Variants in CBLN2 observed in about 807,000 individuals in gnomAD.
CBLN2 encodes cerebellin 2 precursor, also known as cerebellin-2.
A neutral mutation model predicts 15.0 loss-of-function variants in CBLN2; 7 were observed. That is an observed-to-expected ratio of 0.47 (90% CI 0.27 to 0.88). The LOEUF is 0.88. Ranked by LOEUF, CBLN2 falls within the 40% of genes least tolerant of loss-of-function variation. CBLN2 has a pLI of 0.14. For missense variants in CBLN2, 242 were observed against 304.5 expected (o/e 0.79, Z 1.53); for synonymous variants, 149 against 135.2 (o/e 1.10, Z -0.71).
chr18:72,591,742 T>A (rs186012052), intron 1 of CBLN2, among the ~76,000 whole-genome samples: 1 of 152,290 alleles, frequency 6.6e-6, no homozygotes, highest in Non-Finnish European at 1.5e-5. Flanking sequence ...AGTGAGACCA[T>A]ACAAAGTTTG....
intron 1 of CBLN2, among the ~76,000 whole-genome samples, chr18:72,549,630 T>A (rs1329456906): frequency 6.6e-6 from 1 of 152,202 alleles, no homozygotes; most frequent in Admixed American, 6.5e-5. Flanking sequence ...TCTATACAAT[T>A]ATTCCAAAAA....
chr18:72,636,853 AATTTT>A (rs940395635), intron 1 of CBLN2, among the ~76,000 whole-genome samples: 1 of 152,122 alleles, frequency 6.6e-6, no homozygotes, highest in Non-Finnish European at 1.5e-5. Flanking sequence ...CATGACTTGA[AATTTT>A]ATAGCTCTTG....
chr18:72,631,619 C>A (rs1379076112), intron 1 of CBLN2, among the ~76,000 whole-genome samples: 4 of 152,070 alleles, frequency 2.6e-5, no homozygotes, highest in African/African-American at 7.2e-5. Context: ...AGTGTCACAT[C>A]TCAACTGACT....
chr18:72,550,167 C>CA (rs2069183405), intron 1 of CBLN2, among the ~76,000 whole-genome samples: 1 of 152,138 alleles, frequency 6.6e-6, no homozygotes, highest in African/African-American at 2.4e-5. Context: ...AAATGAGAAA[C>CA]AAAGTTCATC....
chr18:72,594,684 T>C (rs2069501697), intron 1 of CBLN2, among the ~76,000 whole-genome samples: 1 of 152,112 alleles, frequency 6.6e-6, no homozygotes, highest in Non-Finnish European at 1.5e-5. Context: ...TTGGGATTCT[T>C]TTTACTATGG....
At chr18:72,605,716 T>C (rs1377000365) in intron 1 of CBLN2, among the ~76,000 whole-genome samples, 1 of 152,226 alleles carries the variant, frequency 6.6e-6, no homozygotes, top group African/African-American at 2.4e-5. Context: ...ATGCACTACA[T>C]AAGAGTTTTC....
chr18:72,593,324 T>C (rs1274997676), intron 1 of CBLN2, among the ~76,000 whole-genome samples: 1 of 152,220 alleles, frequency 6.6e-6, no homozygotes, highest in Non-Finnish European at 1.5e-5. Context: ...ATTGTCGGCA[T>C]ATAGAAATGC....
chr18:72,565,463 G>A (rs2069288527), intron 1 of CBLN2, among the ~76,000 whole-genome samples: 1 of 152,080 alleles, frequency 6.6e-6, no homozygotes, highest in Non-Finnish European at 1.5e-5. Context: ...AAAACTTGTT[G>A]AGGAACATAT....
intron 1 of CBLN2, among the ~76,000 whole-genome samples, chr18:72,593,056 T>A (rs890076674): frequency 6.6e-6 from 1 of 152,164 alleles, no homozygotes; most frequent in Non-Finnish European, 1.5e-5. Flanking sequence ...ATGAATTGCA[T>A]TGAATCTGTA....
intron 1 of CBLN2, among the ~76,000 whole-genome samples, chr18:72,609,672 G>C (rs746801901): frequency 6.6e-6 from 1 of 152,268 alleles, no homozygotes; most frequent in African/African-American, 2.4e-5. Flanking sequence ...TTCAAAGGAG[G>C]TTTCAATTTG....
chr18:72,538,452 C>T lies in CBLN2; in HGVS notation c.478-79G>A, dbSNP rs532689382. The T allele has an allele frequency of 1.3e-5, 19 of 1,508,088 alleles. No individual in the cohort carries two copies. In the East Asian group the frequency reaches 4.3e-4, roughly 34 times the overall value. 93.4% of individuals were successfully genotyped at this position (1,508,088 alleles called of 1,614,324 possible). A position where few individuals can be genotyped will look rare whatever the true frequency, so the allele number is the denominator to read the frequency against. On this transcript the variant is annotated intron_variant, in intron 4 of 4. Coordinates refer to ENST00000269503, the MANE Select transcript of CBLN2 (RefSeq NM_182511.4). ...ACTGTTCTCTCCTTTGCCAATATCC[C>T]CACTCCCACCCCCATCCTTCCCTTA...
At chr18:72,602,455 C>G (rs369347407) in intron 1 of CBLN2, among the ~76,000 whole-genome samples, 7 of 152,194 alleles carry the variant, frequency 4.6e-5, no homozygotes, top group African/African-American at 1.7e-4. Flanking sequence ...ACCTTTATTT[C>G]TAATTTTTAC....
intron 1 of CBLN2, among the ~76,000 whole-genome samples, chr18:72,634,415 T>G (rs1328918685): frequency 6.6e-6 from 1 of 152,102 alleles, no homozygotes; most frequent in Non-Finnish European, 1.5e-5. Flanking sequence ...TATAAAATAA[T>G]CTATGTGATA....
At chr18:72,600,236 C>T (rs1328753121) in intron 1 of CBLN2, among the ~76,000 whole-genome samples, 6 of 152,028 alleles carry the variant, frequency 3.9e-5, no homozygotes, top group South Asian at 4.1e-4. Context: ...AGAAGGAATC[C>T]GTATGATTAT....
At chr18:72,557,929 T>TA (rs1228453578) in intron 1 of CBLN2, among the ~76,000 whole-genome samples, 1 of 152,080 alleles carries the variant, frequency 6.6e-6, no homozygotes, top group Non-Finnish European at 1.5e-5. Context: ...ATATGTTTTT[T>TA]AAAAAAGTAA....
chr18:72,601,779 G>A (rs960474839), intron 1 of CBLN2, among the ~76,000 whole-genome samples: 32 of 152,122 alleles, frequency 2.1e-4, no homozygotes, highest in African/African-American at 7.7e-4. Flanking sequence ...CAGCCTATAA[G>A]CGGGAGGGGG....
At chr18:72,572,830 A>T (rs1320974609) in intron 1 of CBLN2, among the ~76,000 whole-genome samples, 1 of 151,926 alleles carries the variant, frequency 6.6e-6, no homozygotes, top group African/African-American at 2.4e-5. Context: ...TATAAGACAC[A>T]AAAAATGATT....
intron 1 of CBLN2, among the ~76,000 whole-genome samples, chr18:72,617,982 GAA>G (rs1454347918): frequency 6.6e-6 from 1 of 152,178 alleles, no homozygotes; most frequent in Non-Finnish European, 1.5e-5. Context: ...AAAAATTTTA[GAA>G]AGTTATCAGA....
chr18:72,593,755 G>T (rs140664947), intron 1 of CBLN2, among the ~76,000 whole-genome samples: 3 of 152,216 alleles, frequency 2.0e-5, no homozygotes, highest in African/African-American at 7.2e-5. Flanking sequence ...AGCATCAATT[G>T]AAATGATGAT....
Sources: allele counts gnomAD v4.1 joint callset (sites outside exome capture counted in the v4.1 genomes callset), GRCh38; gene constraint gnomAD v4.1.1; transcripts MANE v1.5; gene names NCBI Gene and HGNC (gene_info 2026-07-23, HGNC 2026-07-21).